SVEP1: variants seen among roughly 807,000 people sequenced by gnomAD.
The protein encoded by SVEP1 is sushi, von Willebrand factor type A, EGF and pentraxin domain containing 1, also known as sushi, von Willebrand factor type A, EGF and pentraxin domain-containing protein 1.
Under a neutral mutation model 367.3 loss-of-function variants are expected in SVEP1, and 164 were observed. That is an observed-to-expected ratio of 0.45 (90% confidence interval 0.39 to 0.51). The LOEUF (loss-of-function observed/expected upper bound fraction) is 0.51. Ranked by LOEUF, SVEP1 falls within the 20% of genes least tolerant of loss-of-function variation. The pLI is 0.00. For synonymous variants in SVEP1, 1,666 were observed against 1,611.6 expected (o/e 1.03, Z -0.81); for missense variants, 4,117 against 4,425.3 (o/e 0.93, Z 1.98).
intron 1 of SVEP1, among the ~76,000 whole-genome samples, chr9:110,575,806 T>C (rs930788939): frequency 6.6e-6 from 1 of 152,150 alleles, no homozygotes; most frequent in African/African-American, 2.4e-5. Context: ...CACCCCCAGT[T>C]AAAAACTGGA....
rs1827201055 is a variant in SVEP1 at position 110,366,463 on chromosome 9, A to ATAAG, written c.*72_*75dup. The ATAAG allele has an allele frequency of 2.1e-6, 3 of 1,419,846 alleles. No individual in the cohort carries two copies. Among genetic ancestry groups the ATAAG allele is most frequent in the East Asian group, 2.5e-5 (1 of 40,154 alleles). 88.0% of individuals were successfully genotyped at this position (1,419,846 alleles called of 1,614,324 possible). A position where few individuals can be genotyped will look rare whatever the true frequency, so the allele number is the denominator to read the frequency against. ...CAGCACCATGTTGGACTTTCTTTGC[A>ATAAG]TAAGTTCCAGGATGCCCAGGCACTA... On this transcript the variant is annotated 3_prime_UTR_variant, in exon 48 of 48. Coordinates refer to ENST00000374469, the MANE Select transcript of SVEP1 (RefSeq NM_153366.4).
intron 36 of SVEP1, among the ~76,000 whole-genome samples, chr9:110,416,104 C>A (rs573284810): frequency 6.6e-6 from 1 of 151,986 alleles, no homozygotes; most frequent in East Asian, 1.9e-4. Flanking sequence ...AAAACAAGCC[C>A]TGTTTACTAT....
intron 1 of SVEP1, among the ~76,000 whole-genome samples, chr9:110,556,844 A>C (rs2118863826): frequency 6.6e-6 from 1 of 152,274 alleles, no homozygotes; most frequent in African/African-American, 2.4e-5. Flanking sequence ...AGAAGGAAAT[A>C]TAAATAAATA....
chr9:110,430,106 T>G (rs1375890851), intron 33 of SVEP1, 102 bp from the exon 34 acceptor site: 1 of 1,285,810 alleles, frequency 7.8e-7, no homozygotes, highest in Non-Finnish European at 1.0e-6. Context: ...TTGTTTGTTT[T>G]CTTTTTTTTT....
intron 14 of SVEP1, among the ~76,000 whole-genome samples, chr9:110,473,472 G>A (rs56783762): frequency 0.027 from 4,125 of 151,906 alleles, 176 homozygotes; most frequent in African/African-American, 0.094. Flanking sequence ...ACACAAACCT[G>A]GAATAAAAAC....
chr9:110,446,850 T>C (rs1361500249), intron 25 of SVEP1, 50 bp downstream of exon 25: 1 of 1,418,144 alleles, frequency 7.1e-7, no homozygotes, highest in Non-Finnish European at 9.2e-7. Flanking sequence ...TTATTGTTAT[T>C]ATATTACTAT....
intron 27 of SVEP1, among the ~76,000 whole-genome samples, chr9:110,437,567 G>C (rs1438508632): frequency 6.6e-6 from 1 of 152,026 alleles, no homozygotes; most frequent in Admixed American, 6.5e-5. Context: ...CTCATTCTCA[G>C]TCTCCCTTCT....
intron 18 of SVEP1, among the ~76,000 whole-genome samples, chr9:110,462,319 T>C (rs1343340746): frequency 6.6e-6 from 1 of 152,126 alleles, no homozygotes; most frequent in Admixed American, 6.6e-5. Context: ...GTAATGTCTA[T>C]ACTTTTTAGC....
At chr9:110,389,953 A>G (rs1294620323) in intron 40 of SVEP1, among the ~76,000 whole-genome samples, 11 of 151,134 alleles carry the variant, frequency 7.3e-5, no homozygotes, top group Admixed American at 7.3e-4. Context: ...ATGTATATAC[A>G]CACACATACA....
chr9:110,398,571 G>A (rs1253809620), intron 40 of SVEP1, among the ~76,000 whole-genome samples: 6 of 151,924 alleles, frequency 3.9e-5, no homozygotes, highest in Non-Finnish European at 7.4e-5. Context: ...CAGAATGGGA[G>A]AAAATTTTTC....
At chr9:110,398,709 A>C (rs1827808734) in intron 40 of SVEP1, among the ~76,000 whole-genome samples, 2 of 152,248 alleles carry the variant, frequency 1.3e-5, no homozygotes, top group Non-Finnish European at 2.9e-5. Context: ...TCTCAAAAGA[A>C]GACGTTTATG....
chr9:110,516,051 G>A (rs1472213265), intron 3 of SVEP1, among the ~76,000 whole-genome samples: 1 of 147,062 alleles, frequency 6.8e-6, no homozygotes, highest in Non-Finnish European at 1.5e-5. Flanking sequence ...TACACGTGCT[G>A]TGAGTCAAAC....
chr9:110,457,743 C>A (rs970415283), intron 20 of SVEP1, among the ~76,000 whole-genome samples: 3 of 152,154 alleles, frequency 2.0e-5, no homozygotes, highest in Non-Finnish European at 2.9e-5. Flanking sequence ...ATGTGACAGC[C>A]ACTGCTTTAG....
chr9:110,440,944 A>G (rs944277578), intron 27 of SVEP1, among the ~76,000 whole-genome samples: 1 of 152,200 alleles, frequency 6.6e-6, no homozygotes, highest in African/African-American at 2.4e-5. Context: ...GAGTTAGGCC[A>G]TAGGAATGCA....
intron 40 of SVEP1, among the ~76,000 whole-genome samples, chr9:110,391,115 AT>A (rs1352825063): frequency 6.6e-6 from 1 of 152,202 alleles, no homozygotes; most frequent in Non-Finnish European, 1.5e-5. Context: ...TCGTTTTCAA[AT>A]TTCCAATTGT....
chr9:110,548,241 C>T (rs565582215), intron 2 of SVEP1, among the ~76,000 whole-genome samples: 24 of 152,196 alleles, frequency 1.6e-4, no homozygotes, highest in South Asian at 1.0e-3. Flanking sequence ...ATTTAATCCT[C>T]CTGAAAACCT....
intron 13 of SVEP1, among the ~76,000 whole-genome samples, chr9:110,478,707 T>C (rs1177910349): frequency 1.3e-5 from 2 of 152,214 alleles, no homozygotes; most frequent in African/African-American, 4.8e-5. Flanking sequence ...TAGATTTAAA[T>C]ATAACGTTTT....
intron 43 of SVEP1, among the ~76,000 whole-genome samples, chr9:110,385,043 C>T (rs531149071): frequency 1.9e-4 from 29 of 149,110 alleles, no homozygotes; most frequent in South Asian, 4.2e-4. Context: ...AGCAGTGGTG[C>T]GATCTTGGCT....
chr9:110,526,955 T>A (rs1829946495), intron 3 of SVEP1, among the ~76,000 whole-genome samples: 1 of 152,138 alleles, frequency 6.6e-6, no homozygotes, highest in African/African-American at 2.4e-5. Flanking sequence ...GCTCCATTTA[T>A]ATAACATTTG....
Sources: allele counts gnomAD v4.1 joint callset (sites outside exome capture counted in the v4.1 genomes callset), GRCh38; gene constraint gnomAD v4.1.1; transcripts MANE v1.5; gene names NCBI Gene and HGNC (gene_info 2026-07-23, HGNC 2026-07-21).